The following GALNTL6 variants were observed in gnomAD, a reference collection of about 807,000 sequenced individuals.
GALNTL6 encodes polypeptide N-acetylgalactosaminyltransferase like 6.
In GALNTL6, 46 loss-of-function variants were observed where a neutral mutation model predicts 73.7. The ratio of observed to expected loss-of-function variants is 0.62; its 90% CI spans 0.49 to 0.80. The LOEUF (loss-of-function observed/expected upper bound fraction) is 0.80, where lower values mean the gene tolerates loss of function less well. Ranked by LOEUF, GALNTL6 falls within the 30% of genes least tolerant of loss-of-function variation. The pLI, the probability that GALNTL6 is intolerant of heterozygous loss-of-function variation, is 0.00. For missense variants in GALNTL6, 604 were observed against 755.0 expected, an observed-to-expected ratio of 0.80 and a Z score of 2.34; for synonymous variants, 259 against 263.7, an observed-to-expected ratio of 0.98 and a Z score of 0.17.
At chr4:172,174,637 T>C (rs1050914617) in intron 2 of GALNTL6, among the ~76,000 whole-genome samples, 1 of 152,210 alleles carries the variant, frequency 6.6e-6, no homozygotes, top group African/African-American at 2.4e-5. Flanking sequence ...AAAGCACTAC[T>C]ACTTCCTATT....
chr4:172,692,280 T>C (rs1034997430), intron 5 of GALNTL6, among the ~76,000 whole-genome samples: 1 of 152,114 alleles, frequency 6.6e-6, no homozygotes, highest in Non-Finnish European at 1.5e-5. Context: ...ATTTGCAGAT[T>C]TTTGCAATTA....
chr4:172,932,793 TTA>T (rs1688262711), intron 9 of GALNTL6, among the ~76,000 whole-genome samples: 1 of 152,240 alleles, frequency 6.6e-6, no homozygotes, highest in South Asian at 2.1e-4. Context: ...GCGTTAGTAC[TTA>T]TGTGTGGAAT....
rs554512077 is a variant in GALNTL6, at chr4:172,823,793, C to T, written c.923+10070C>T. 5.9e-5 allele frequency among the ~76,000 whole-genome samples: 9 copies of T among 152,196 alleles called. No individual in the cohort carries two copies. In the South Asian group the frequency reaches 1.9e-3, roughly 32 times the overall value. On this transcript the variant is annotated intron_variant, in intron 7 of 12. Coordinates refer to ENST00000506823, the MANE Select transcript of GALNTL6 (RefSeq NM_001034845.3). ...AAAAATAGAAGGCATTCCTGAAGTCCTTTACACCATGAATGAAAATTAAAA... is the reference window on the plus strand; with the variant it reads ...AAAAATAGAAGGCATTCCTGAAGTCTTTTACACCATGAATGAAAATTAAAA...
chr4:172,578,526 T>C (rs1316326285), intron 5 of GALNTL6, among the ~76,000 whole-genome samples: 1 of 152,222 alleles, frequency 6.6e-6, no homozygotes, highest in Non-Finnish European at 1.5e-5. Flanking sequence ...TCTCCAGAAA[T>C]TGTCTTAAAT....
At chr4:171,865,568 A>G (rs994563269) in intron 2 of GALNTL6, among the ~76,000 whole-genome samples, 2 of 152,260 alleles carry the variant, frequency 1.3e-5, no homozygotes, top group African/African-American at 4.8e-5. Context: ...TTACATCCAG[A>G]TAGTTTAGAG....
At chr4:172,558,753 C>G (rs10033192) in intron 5 of GALNTL6, among the ~76,000 whole-genome samples, 6,468 of 152,060 alleles carry the variant, frequency 0.043, 438 homozygotes, top group African/African-American at 0.14. Flanking sequence ...TTGTTTCAGT[C>G]TATGTAAGTT....
intron 2 of GALNTL6, among the ~76,000 whole-genome samples, chr4:172,106,004 G>T (rs1325794578): frequency 6.6e-6 from 1 of 152,126 alleles, no homozygotes; most frequent in Non-Finnish European, 1.5e-5. Context: ...ATTGGCAATA[G>T]TAAAGTTAAA....
intron 12 of GALNTL6, among the ~76,000 whole-genome samples, chr4:173,022,660 A>G (rs1252541089): frequency 2.6e-5 from 4 of 152,226 alleles, no homozygotes; most frequent in Admixed American, 6.5e-5. Context: ...AAAGTGACCC[A>G]TTTACATTTT....
At chr4:172,937,971 A>G (rs891787847) in intron 9 of GALNTL6, among the ~76,000 whole-genome samples, 7 of 152,224 alleles carry the variant, frequency 4.6e-5, no homozygotes, top group Admixed American at 3.3e-4. Flanking sequence ...ATTATGTTTA[A>G]TGACCCAATA....
chr4:172,890,010 A>G (rs1301541679), intron 8 of GALNTL6, among the ~76,000 whole-genome samples: 1 of 152,098 alleles, frequency 6.6e-6, no homozygotes, highest in Non-Finnish European at 1.5e-5. Context: ...GAATTTATCC[A>G]TGTCCTCTAG....
chr4:171,986,028 ACT>A (rs922599320), intron 2 of GALNTL6, among the ~76,000 whole-genome samples: 4 of 79,358 alleles, frequency 5.0e-5, no homozygotes, highest in African/African-American at 2.1e-4. Context: ...ACAGAGCCAG[ACT>A]CTGTCTCAAA....
intron 7 of GALNTL6, among the ~76,000 whole-genome samples, chr4:172,870,972 A>C (rs1744902192): frequency 6.6e-6 from 1 of 152,210 alleles, no homozygotes; most frequent in Admixed American, 6.5e-5. Flanking sequence ...ATATTCTTAC[A>C]AATGATTTTC....
chr4:172,866,107 T>C (rs1744649349), intron 7 of GALNTL6, among the ~76,000 whole-genome samples: 1 of 152,176 alleles, frequency 6.6e-6, no homozygotes, highest in African/African-American at 2.4e-5. Context: ...CTTGGATGCC[T>C]GTAACAGCCT....
chr4:173,017,994 CCTAA>C (rs1752850132), intron 11 of GALNTL6, among the ~76,000 whole-genome samples: 2 of 152,110 alleles, frequency 1.3e-5, no homozygotes, highest in South Asian at 2.1e-4. Flanking sequence ...CCTGATTTTC[CCTAA>C]CTGACTCATG....
At chr4:172,280,007 C>A (rs2111076808) in intron 3 of GALNTL6, among the ~76,000 whole-genome samples, 1 of 152,186 alleles carries the variant, frequency 6.6e-6, no homozygotes, top group African/African-American at 2.4e-5. Flanking sequence ...ACCTGCTCCA[C>A]CTATATTACA....
intron 2 of GALNTL6, among the ~76,000 whole-genome samples, chr4:171,836,207 T>C (rs776450588): frequency 6.6e-6 from 1 of 152,054 alleles, no homozygotes; most frequent in Admixed American, 6.6e-5. Context: ...ACTATCTATT[T>C]TTAAATTATA....
intron 5 of GALNTL6, among the ~76,000 whole-genome samples, chr4:172,588,465 G>T (rs571252556): frequency 7.3e-5 from 11 of 150,576 alleles, no homozygotes; most frequent in Non-Finnish European, 1.6e-4. Flanking sequence ...GTGGTGGCGT[G>T]TACCTGTTGC....
At chr4:172,858,783 A>G (rs887500013) in intron 7 of GALNTL6, among the ~76,000 whole-genome samples, 76 of 152,308 alleles carry the variant, frequency 5.0e-4, no homozygotes, top group African/African-American at 1.8e-3. Flanking sequence ...CCCAAAAAAA[A>G]TGGCCCCACT....
intron 5 of GALNTL6, among the ~76,000 whole-genome samples, chr4:172,395,946 T>C (rs1422335044): frequency 6.6e-6 from 1 of 152,114 alleles, no homozygotes; most frequent in Non-Finnish European, 1.5e-5. Context: ...ACTTCACGCG[T>C]AGTTAAATCA....
Sources: allele counts gnomAD v4.1 joint callset (sites outside exome capture counted in the v4.1 genomes callset), GRCh38; gene constraint gnomAD v4.1.1; transcripts MANE v1.5; gene names NCBI Gene and HGNC (gene_info 2026-07-23, HGNC 2026-07-21).